ERBB4: variants seen among roughly 807,000 people sequenced by gnomAD.
ERBB4 encodes erb-b2 receptor tyrosine kinase 4.
ERBB4 carries 42 observed loss-of-function variants against 158.0 expected under a neutral mutation model. The ratio of observed to expected loss-of-function variants is 0.27; its 90% CI spans 0.21 to 0.34. ERBB4 has a LOEUF of 0.34. Ranked by LOEUF, ERBB4 falls within the 10% of genes least tolerant of loss-of-function variation. ERBB4 has a pLI of 1.00. For missense variants in ERBB4, 1,333 were observed against 1,624.1 expected, an observed-to-expected ratio of 0.82 and a Z score of 3.08; for synonymous variants, 583 against 558.7, an observed-to-expected ratio of 1.04 and a Z score of -0.61.
chr2:212,167,425 A>G (rs1343229170), intron 1 of ERBB4, among the ~76,000 whole-genome samples: 1 of 152,176 alleles, frequency 6.6e-6, no homozygotes, highest in Non-Finnish European at 1.5e-5. Context: ...CAATTATTAA[A>G]AAGTCCAGAA....
At chr2:211,629,902 T>C (rs1019575210) in intron 17 of ERBB4, among the ~76,000 whole-genome samples, 3 of 152,142 alleles carry the variant, frequency 2.0e-5, no homozygotes, top group Non-Finnish European at 4.4e-5. Context: ...TAATTCAAGA[T>C]GGATTAAAGA....
At chr2:211,676,376 A>T (rs899098564) in intron 13 of ERBB4, among the ~76,000 whole-genome samples, 21 of 152,350 alleles carry the variant, frequency 1.4e-4, no homozygotes, top group African/African-American at 4.6e-4. Context: ...AATATGAAAT[A>T]TGCTAAATAT....
chr2:211,830,620 A>T (rs1482482761), intron 3 of ERBB4, among the ~76,000 whole-genome samples: 1 of 152,168 alleles, frequency 6.6e-6, no homozygotes, highest in Non-Finnish European at 1.5e-5. Flanking sequence ...GAATACTAGA[A>T]AGCAATAAAC....
At chr2:211,445,556 G>A (rs752752006) in intron 20 of ERBB4, among the ~76,000 whole-genome samples, 16 of 152,090 alleles carry the variant, frequency 1.1e-4, no homozygotes, top group Non-Finnish European at 2.1e-4. Context: ...GAGAGGAAAT[G>A]AGAGAATCTT....
intron 1 of ERBB4, among the ~76,000 whole-genome samples, chr2:212,536,117 C>T (rs1314177545): frequency 5.3e-5 from 8 of 152,210 alleles, no homozygotes; most frequent in Admixed American, 5.2e-4. Context: ...CCAAAACAAA[C>T]TCCTCCAAAC....
rs75174616 is a variant in ERBB4 at position 211,714,454 on chromosome 2, C to T, written c.884-806G>A. ...CCTTGAGGGGTGCCCAAAGCAGAAA[C>T]GGCATATGATGTATATCTAGGCTGT... On this transcript the variant is annotated intron_variant, in intron 7 of 27. Coordinates refer to ENST00000342788, the MANE Select transcript of ERBB4 (RefSeq NM_005235.3). Among the ~76,000 whole-genome samples the T allele has an allele frequency of 3.3e-4, 51 of 152,286 alleles. No individual in the cohort carries two copies. In the East Asian group the frequency reaches 9.1e-3, roughly 27 times the overall value.
intron 5 of ERBB4, among the ~76,000 whole-genome samples, chr2:211,744,767 G>A (rs1250807991): frequency 1.3e-5 from 2 of 152,200 alleles, no homozygotes; most frequent in Non-Finnish European, 2.9e-5. Flanking sequence ...TGAAATATAT[G>A]CGTCACTTCA....
intron 1 of ERBB4, among the ~76,000 whole-genome samples, chr2:212,187,819 T>C (rs1356382556): frequency 1.3e-5 from 2 of 152,104 alleles, no homozygotes; most frequent in Non-Finnish European, 2.9e-5. Flanking sequence ...ACATGAGTGA[T>C]CTTCAAAGTG....
chr2:212,081,232 A>G (rs1161129105), intron 2 of ERBB4, among the ~76,000 whole-genome samples: 1 of 152,160 alleles, frequency 6.6e-6, no homozygotes, highest in Non-Finnish European at 1.5e-5. Flanking sequence ...GTGGTGTCCC[A>G]GTGATCAACC....
intron 1 of ERBB4, among the ~76,000 whole-genome samples, chr2:212,207,460 C>T (rs2082798133): frequency 6.6e-6 from 1 of 152,128 alleles, no homozygotes; most frequent in African/African-American, 2.4e-5. Flanking sequence ...TTGTCTGTCG[C>T]CATGTGCTAC....
intron 4 of ERBB4, among the ~76,000 whole-genome samples, chr2:211,750,908 G>A (rs1323522605): frequency 6.6e-6 from 1 of 152,066 alleles, no homozygotes; most frequent in South Asian, 2.1e-4. Context: ...CAACCTCCTG[G>A]TATTCAAATC....
chr2:211,526,194 G>T (rs1272949881), intron 20 of ERBB4, among the ~76,000 whole-genome samples: 1 of 152,040 alleles, frequency 6.6e-6, no homozygotes, highest in Non-Finnish European at 1.5e-5. Context: ...CCCAGTGATG[G>T]TACCTACAGG....
chr2:212,038,930 T>C (rs2077076883), intron 2 of ERBB4, among the ~76,000 whole-genome samples: 2 of 152,078 alleles, frequency 1.3e-5, no homozygotes, highest in Admixed American at 6.6e-5. Flanking sequence ...TTGTGAGTGT[T>C]TATTGTTAGC....
chr2:211,894,479 T>A (rs943245497), intron 3 of ERBB4, among the ~76,000 whole-genome samples: 3 of 149,114 alleles, frequency 2.0e-5, no homozygotes, highest in African/African-American at 7.5e-5. Context: ...AGTTAGTGGG[T>A]GCAGCGCACC....
chr2:211,948,114 A>G (rs540319315), intron 2 of ERBB4, among the ~76,000 whole-genome samples: 2 of 152,234 alleles, frequency 1.3e-5, no homozygotes, highest in South Asian at 4.1e-4. Flanking sequence ...ATCTCTAGGG[A>G]ACACAAACAT....
At position 211,422,120 on chromosome 2, in the gene ERBB4, G is replaced by A. The variant is rs748240963; in HGVS notation, c.2867-16C>T. 2.3e-5 allele frequency: 34 copies of A among 1,495,540 alleles called. No individual in the cohort carries two copies. The Middle Eastern group carries it at 8.5e-4, about 38-fold the overall frequency. The allele number at this position is 1,495,540 out of a possible 1,614,324, so 92.6% of individuals were successfully genotyped here. On this transcript the variant is annotated splice_polypyrimidine_tract_variant and intron_variant, in intron 23 of 27. Transcript: ENST00000342788. ...ATCATCCAACCTGGAAATTTACACA[G>A]TGAAAATGTCACTATATTCGTAACT...
chr2:211,458,238 C>G (rs1424019267), intron 20 of ERBB4, among the ~76,000 whole-genome samples: 1 of 151,962 alleles, frequency 6.6e-6, no homozygotes, highest in South Asian at 2.1e-4. Flanking sequence ...GTACAATGAG[C>G]CTTTGACCAA....
intron 2 of ERBB4, among the ~76,000 whole-genome samples, chr2:212,066,618 G>T (rs2077955993): frequency 1.3e-5 from 2 of 152,072 alleles, no homozygotes; most frequent in African/African-American, 4.8e-5. Context: ...CATCATAATT[G>T]TGGTTATTTT....
At chr2:211,875,050 A>AAAAAAAAAAAAAAAAAAAAAAAAAAAAAC (rs66500425) in intron 3 of ERBB4, among the ~76,000 whole-genome samples, 1 of 75,872 alleles carries the variant, frequency 1.3e-5, no homozygotes, top group African/African-American at 5.4e-5. Context: ...AAAAAAAAAA[A>AAAAAAAAAAAAAAAAAAAAAAAAAAAAAC]CAAACTCAAA....
Sources: allele counts gnomAD v4.1 joint callset (sites outside exome capture counted in the v4.1 genomes callset), GRCh38; gene constraint gnomAD v4.1.1; transcripts MANE v1.5; gene names NCBI Gene and HGNC (gene_info 2026-07-23, HGNC 2026-07-21).